ASH1L: variants seen among roughly 807,000 people sequenced by gnomAD.
The protein encoded by ASH1L is ASH1 like histone lysine methyltransferase.
A neutral mutation model predicts 269.0 loss-of-function variants in ASH1L; 23 were observed. The ratio of observed to expected loss-of-function variants is 0.09; its 90% CI spans 0.06 to 0.12. The LOEUF (loss-of-function observed/expected upper bound fraction) is 0.12. ASH1L is among the 10% of genes least tolerant of loss of function. The probability of loss-of-function intolerance (pLI) is 1.00; values close to 1 mark genes in which losing one functional copy is unlikely to be tolerated. For synonymous variants in ASH1L, 1,187 were observed against 1,253.5 expected, an observed-to-expected ratio of 0.95 and a Z score of 1.12; for missense variants, 2,912 against 3,567.8, an observed-to-expected ratio of 0.82 and a Z score of 4.68.
chr1:155,340,592 G>C (rs2148313222), intron 25 of ASH1L, among the ~76,000 whole-genome samples: 2 of 152,188 alleles, frequency 1.3e-5, no homozygotes, highest in South Asian at 4.1e-4. Flanking sequence ...AGAGCAAACA[G>C]ATGAATGGAT....
At chr1:155,447,739 A>C (rs568909419) in intron 4 of ASH1L, among the ~76,000 whole-genome samples, 2 of 152,248 alleles carry the variant, frequency 1.3e-5, no homozygotes, top group African/African-American at 4.8e-5. Context: ...GAGTGGTTTG[A>C]ATTTACATAT....
chr1:155,459,801 TGAA>T lies in ASH1L; in HGVS notation c.5079_5081del (p.Ser1694del), dbSNP rs781206051. 3 of 1,611,734 alleles carry T rather than the reference TGAA, an allele frequency of 1.9e-6. No homozygotes were observed. The highest frequency in any genetic ancestry group is 1.7e-6 in the Non-Finnish European group (2 of 1,178,338). ...GGTAAAACAAATAGCACTAGCCTGT[TGAA>T]GAAGTACTCTCAGATGAAGACCTTT... On this transcript the variant is annotated inframe_deletion, in exon 4 of 28. Transcript: ENST00000392403.
chr1:155,389,229 C>T (rs530604392), intron 7 of ASH1L, among the ~76,000 whole-genome samples: 21 of 151,860 alleles, frequency 1.4e-4, no homozygotes, highest in African/African-American at 4.3e-4. Context: ...AACTTCTGAC[C>T]TCAGGTGATC....
Position 155,370,762 on chromosome 1 carries a change from C to G in ASH1L, c.6539+15G>C. On this transcript the variant is annotated intron_variant, in intron 11 of 27. Coordinates refer to ENST00000392403, the MANE Select transcript of ASH1L (RefSeq NM_018489.3). Reference sequence around the variant, plus strand: ...CCTTGGCATTTTATTAGAGTATCATCATTTACCACCGTACCTGAACTCCTG... The same window carrying G: ...CCTTGGCATTTTATTAGAGTATCATGATTTACCACCGTACCTGAACTCCTG... The G allele has an allele frequency of 6.2e-7, 1 of 1,614,118 alleles. No homozygotes were observed.
intron 10 of ASH1L, among the ~76,000 whole-genome samples, chr1:155,371,950 T>G (rs960433019): frequency 1.3e-5 from 2 of 152,096 alleles, no homozygotes; most frequent in African/African-American, 4.8e-5. Context: ...TGCCTCGGCC[T>G]CCCAAAGTGC....
chr1:155,389,401 G>A (rs954401079), intron 7 of ASH1L, among the ~76,000 whole-genome samples: 4 of 152,088 alleles, frequency 2.6e-5, no homozygotes, highest in Admixed American at 1.3e-4. Flanking sequence ...GGCTAGGCGC[G>A]GTGGCTCATG....
intron 1 of ASH1L, among the ~76,000 whole-genome samples, chr1:155,556,214 T>A (rs1231675990): frequency 6.6e-6 from 1 of 152,110 alleles, no homozygotes; most frequent in African/African-American, 2.4e-5. Context: ...AGACTCTACC[T>A]GTACATAAAA....
intron 1 of ASH1L, among the ~76,000 whole-genome samples, chr1:155,538,327 G>A (rs984231532): frequency 3.2e-4 from 48 of 148,782 alleles, no homozygotes; most frequent in African/African-American, 1.1e-3. Context: ...ACAGGCATGA[G>A]CTATGGCACC....
chr1:155,495,571 C>T (rs946817628), intron 2 of ASH1L, among the ~76,000 whole-genome samples: 4 of 152,122 alleles, frequency 2.6e-5, no homozygotes, highest in South Asian at 2.1e-4. Context: ...CAAGACTGTA[C>T]GACACTCTGG....
chr1:155,487,708 G>A (rs1343955463), intron 2 of ASH1L, among the ~76,000 whole-genome samples: 3 of 151,684 alleles, frequency 2.0e-5, no homozygotes, highest in Admixed American at 2.0e-4. Flanking sequence ...TCTGAATGTT[G>A]GTTGTCCCAT....
intron 3 of ASH1L, among the ~76,000 whole-genome samples, chr1:155,460,710 G>GA: frequency 6.6e-6 from 1 of 152,162 alleles, no homozygotes; most frequent in Non-Finnish European, 1.5e-5. Context: ...GCAAATTCTA[G>GA]AAAAACTGGT....
chr1:155,491,619 G>T (rs1211879583), intron 2 of ASH1L, among the ~76,000 whole-genome samples: 1 of 152,068 alleles, frequency 6.6e-6, no homozygotes. Flanking sequence ...CTTAATCACT[G>T]CATTAAATAA....
At position 155,335,640 on chromosome 1, in the gene ASH1L, C is replaced by G. The variant is rs1424821419; in HGVS notation, c.*2020G>C. 6.6e-6 allele frequency: 1 copy of G among 152,538 alleles called. No individual in the cohort carries two copies. Among genetic ancestry groups the G allele is most frequent in the African/African-American group, 2.4e-5 (1 of 41,366 alleles). The allele number at this position is 152,538 out of a possible 1,614,324, so 9.4% of individuals were successfully genotyped here. ...ACCAGTAAGAAAAAACAAGTTTTTG[C>G]ACTTACCTAACATTTGATTGTCTAA... On this transcript the variant is annotated 3_prime_UTR_variant, in exon 28 of 28. Transcript: ENST00000392403.
intron 4 of ASH1L, among the ~76,000 whole-genome samples, chr1:155,451,047 A>G (rs1479977154): frequency 3.3e-5 from 5 of 151,516 alleles, no homozygotes; most frequent in Non-Finnish European, 2.9e-5. Flanking sequence ...AAAATACAAA[A>G]TTAGCTTGGC....
chr1:155,563,095 C>G (rs778700133), upstream of ASH1L: 5 of 457,512 alleles, frequency 1.1e-5, no homozygotes, highest in South Asian at 7.7e-5. Flanking sequence ...CTCGCCGCAG[C>G]GCTGCGGCTC....
intron 7 of ASH1L, among the ~76,000 whole-genome samples, chr1:155,381,914 A>G (rs1165849287): frequency 6.6e-6 from 1 of 151,202 alleles, no homozygotes; most frequent in East Asian, 2.0e-4. Context: ...AACAAAACAA[A>G]AAAACAGCCT....
intron 3 of ASH1L, among the ~76,000 whole-genome samples, chr1:155,472,387 C>G (rs1665171042): frequency 6.6e-6 from 1 of 152,190 alleles, no homozygotes; most frequent in South Asian, 2.1e-4. Context: ...TCCCCAAGGA[C>G]CCTGAAACCA....
intron 2 of ASH1L, among the ~76,000 whole-genome samples, chr1:155,492,533 T>C (rs975032803): frequency 6.6e-6 from 1 of 152,202 alleles, no homozygotes; most frequent in South Asian, 2.1e-4. Context: ...ACATTGCTCA[T>C]TGTTCTAAGA....
chr1:155,493,421 C>T (rs759304245), intron 2 of ASH1L, among the ~76,000 whole-genome samples: 4 of 152,140 alleles, frequency 2.6e-5, no homozygotes, highest in Non-Finnish European at 5.9e-5. Flanking sequence ...TAAACATGTG[C>T]TGTTAAATAT....
Sources: allele counts gnomAD v4.1 joint callset (sites outside exome capture counted in the v4.1 genomes callset), GRCh38; gene constraint gnomAD v4.1.1; transcripts MANE v1.5; gene names NCBI Gene and HGNC (gene_info 2026-07-23, HGNC 2026-07-21).